The following TICAM1 variants were observed in gnomAD, a reference collection of about 807,000 sequenced individuals.
TICAM1 encodes the protein TIR domain containing adaptor molecule 1, also known as TIR domain-containing adapter molecule 1.
For synonymous variants in TICAM1, 439 were observed against 415.4 expected (o/e 1.06, Z -0.69); for missense variants, 895 against 938.2 (o/e 0.95, Z 0.60).
rs759882367 is a variant in TICAM1 at position 4,818,571 on chromosome 19, A to C, written c.-139-55T>G. The C allele has an allele frequency of 1.1e-3, 1,400 of 1,245,710 alleles. No homozygotes were observed. Among genetic ancestry groups the C allele is most frequent in the Non-Finnish European group, 1.3e-3 (1,253 of 945,146 alleles). The allele number at this position is 1,245,710 out of a possible 1,614,324, so 77.2% of individuals were successfully genotyped here. A position where few individuals can be genotyped will look rare whatever the true frequency, so the allele number is the denominator to read the frequency against. ...TACCCCCAAGAAAGGTCAGCACGGG[A>C]AGGCGGCCCACACACCCCCGCCTGC... is the stretch of plus-strand genomic sequence containing the variant. On this transcript the variant is annotated intron_variant, in intron 1 of 1. Coordinates refer to ENST00000248244, the MANE Select transcript of TICAM1 (RefSeq NM_182919.4). This position sits in a 1 kb window ranked among gnomAD's most constrained non-coding sequence, Gnocchi z 4.0.
chr19:4,816,100 C>T lies in TICAM1; in HGVS notation c.*139G>A. ...CGTTTTGTCCTAAATGAAGGGCTCCCGGACAATGTCCTGAAAGTGGCAGAT... is the reference window on the plus strand; with the variant it reads ...CGTTTTGTCCTAAATGAAGGGCTCCTGGACAATGTCCTGAAAGTGGCAGAT... On this transcript the variant is annotated 3_prime_UTR_variant, in exon 2 of 2. Transcript: ENST00000248244. This position sits in a 1 kb window ranked among gnomAD's most constrained non-coding sequence, Gnocchi z 4.3. 7.0e-6 allele frequency: 9 copies of T among 1,279,830 alleles called. No homozygotes were observed. The highest frequency in any genetic ancestry group is 6.9e-6 in the Non-Finnish European group (7 of 1,008,896). The allele number at this position is 1,279,830 out of a possible 1,614,324, so 79.3% of individuals were successfully genotyped here. A position where few individuals can be genotyped will look rare whatever the true frequency, so the allele number is the denominator to read the frequency against.
rs2093584967 is a variant in TICAM1, at chr19:4,816,366, G to A, written c.2012C>T (p.Pro671Leu). 6.3e-7 allele frequency: 1 copy of A among 1,588,948 alleles called. No individual in the cohort carries two copies. Among genetic ancestry groups the A allele is most frequent in the African/African-American group, 1.3e-5 (1 of 74,190 alleles). ...PAFPTASPAP[P>L]QSPGLQPLII... ...GAGGGGTTGCAGCCCTGGGCTCTGA[G>A]GGGGTGCGGGTGAGGCCGTAGGGAA... is the stretch of plus-strand genomic sequence containing the variant. Residue 671 changes from proline (P) to leucine (L), a missense_variant, in exon 2 of 2, where the codon CCT becomes CTT. Pro to Leu is a moderately conservative substitution (Grantham distance 98). Transcript: ENST00000248244. This position sits in a 1 kb window ranked among gnomAD's most constrained non-coding sequence, Gnocchi z 4.3.
At chr19:4,829,743 ATTGGCAGACTTTTTCTC>A (rs1412169049) in intron 1 of TICAM1, among the ~76,000 whole-genome samples, 19 of 148,702 alleles carry the variant, frequency 1.3e-4, no homozygotes, top group Non-Finnish European at 1.8e-4. Context: ...GACAATAAAT[ATTGGCAGACTTTTTCTC>A]TTCCTCTTCC....
intron 1 of TICAM1, among the ~76,000 whole-genome samples, chr19:4,827,836 A>G (rs1024048266): frequency 6.6e-6 from 1 of 151,634 alleles, no homozygotes; most frequent in African/African-American, 2.4e-5. Flanking sequence ...CAAGACAACT[A>G]CTTGGAATAC....
At chr19:4,826,325 ATT>A (rs2093605352) in intron 1 of TICAM1, among the ~76,000 whole-genome samples, 1 of 151,108 alleles carries the variant, frequency 6.6e-6, no homozygotes, top group African/African-American at 2.4e-5. Context: ...ATATTTATTT[ATT>A]TATTTATATA....
intron 1 of TICAM1, among the ~76,000 whole-genome samples, chr19:4,830,915 G>A (rs768209724): frequency 5.3e-5 from 8 of 152,204 alleles, no homozygotes; most frequent in Admixed American, 2.0e-4. Context: ...GCAGGACTGC[G>A]CCTGGTGAGC....
intron 1 of TICAM1, among the ~76,000 whole-genome samples, chr19:4,828,249 T>TAAAA (rs1166051634): frequency 2.0e-5 from 3 of 151,776 alleles, no homozygotes; most frequent in African/African-American, 7.2e-5. Context: ...TGTGTTGTTG[T>TAAAA]TTTTTGACAG....
chr19:4,816,245 T>C lies in TICAM1; in HGVS notation c.2133A>G (p.Ala711=), dbSNP rs1224783115. ...GTCAGGCAAGGACACGCGGTCATTCTGCCTCCTGCGTCTTGTCCTCGGGCG... is the reference window on the plus strand; with the variant it reads ...GTCAGGCAAGGACACGCGGTCATTCCGCCTCCTGCGTCTTGTCCTCGGGCG... ...SQAPEDKTQE[A]E The change falls in exon 2 of 2, where the codon GCA becomes GCG. Residue 711 remains alanine (A), a synonymous_variant. Transcript: ENST00000248244. The surrounding 1 kb of genome is among the most constrained non-coding windows in gnomAD (Gnocchi z 4.3). 2 of 1,508,470 alleles carry C rather than the reference T, an allele frequency of 1.3e-6. No homozygotes were observed. The highest frequency in any genetic ancestry group is 2.8e-5 in the African/African-American group (2 of 71,568). 93.4% of individuals were successfully genotyped at this position (1,508,470 alleles called of 1,614,324 possible). A position where few individuals can be genotyped will look rare whatever the true frequency, so the allele number is the denominator to read the frequency against.
At chr19:4,824,119 G>A (rs993829303) in intron 1 of TICAM1, among the ~76,000 whole-genome samples, 7 of 151,132 alleles carry the variant, frequency 4.6e-5, no homozygotes, top group Non-Finnish European at 8.8e-5. Flanking sequence ...AGTTATTCTC[G>A]TGCCTCAGCC....
intron 1 of TICAM1, among the ~76,000 whole-genome samples, chr19:4,821,531 C>T (rs567023710): frequency 6.6e-6 from 1 of 152,234 alleles, no homozygotes; most frequent in Middle Eastern, 3.4e-3. Flanking sequence ...TCTGTTACCC[C>T]CCAGATATCC....
chr19:4,824,444 C>T (rs2093602673), intron 1 of TICAM1, among the ~76,000 whole-genome samples: 1 of 150,390 alleles, frequency 6.6e-6, no homozygotes, highest in Non-Finnish European at 1.5e-5. Context: ...AAGAGATTCT[C>T]CTGCCTCAGC....
rs2093591175 is a variant in TICAM1, at chr19:4,818,209, C to T, written c.169G>A (p.Ala57Thr). Residue 57 changes from alanine (A) to threonine (T), a missense_variant, in exon 2 of 2, where the codon GCC becomes ACC. Coordinates refer to ENST00000248244, the MANE Select transcript of TICAM1 (RefSeq NM_182919.4). The surrounding 1 kb of genome is among the most constrained non-coding windows in gnomAD (Gnocchi z 4.0). ...VLLKLGQETE[A>T]RISLEALKAD... ...TTCAATGCCTCTAGAGAGATCCTGG[C>T]CTCAGTTTCCTGGCCCAGCTTCAGG... 1.9e-6 allele frequency: 3 copies of T among 1,612,802 alleles called. No homozygotes were observed. The highest frequency in any genetic ancestry group is 3.3e-5 in the Admixed American group (2 of 59,958).
At chr19:4,826,738 G>C (rs772243390) in intron 1 of TICAM1, among the ~76,000 whole-genome samples, 2 of 152,158 alleles carry the variant, frequency 1.3e-5, no homozygotes, top group Admixed American at 6.6e-5. Flanking sequence ...CAGAGAAGTT[G>C]AGTAAGTAGT....
intron 1 of TICAM1, among the ~76,000 whole-genome samples, chr19:4,824,936 A>T (rs1335570709): frequency 6.6e-6 from 1 of 151,602 alleles, no homozygotes; most frequent in Non-Finnish European, 1.5e-5. Context: ...CTGTCTCCAA[A>T]AAAAAATAAA....
chr19:4,831,403 G>A (rs535555701), intron 1 of TICAM1, among the ~76,000 whole-genome samples: 1 of 152,032 alleles, frequency 6.6e-6, no homozygotes, highest in East Asian at 1.9e-4. Flanking sequence ...CGACAGTGGG[G>A]GAGGATCTGG....
At chr19:4,819,623 A>C (rs4807647) in intron 1 of TICAM1, among the ~76,000 whole-genome samples, 37,109 of 152,148 alleles carry the variant, frequency 0.24, 5,005 homozygotes, top group East Asian at 0.42. Context: ...CTGTAATCCC[A>C]GCACTTTGGG....
chr19:4,822,007 C>T (rs528340305), intron 1 of TICAM1, among the ~76,000 whole-genome samples: 3 of 152,016 alleles, frequency 2.0e-5, no homozygotes, highest in African/African-American at 7.2e-5. Context: ...GCAATCTCAG[C>T]TCACCGTAAC....
rs150740529 is a variant in TICAM1, at chr19:4,816,817, C to T, written c.1561G>A (p.Ala521Thr). 3,171 of 1,612,856 alleles carry T rather than the reference C, an allele frequency of 2.0e-3. 7 individuals are homozygous for T. The highest frequency in any genetic ancestry group is 2.4e-3 in the Non-Finnish European group (2,790 of 1,180,018). The change falls in exon 2 of 2, where the codon GCC (alanine) becomes ACC (threonine). Residue 521 changes from alanine to threonine, a missense_variant. Physicochemically the swap from Ala to Thr is moderately conservative, Grantham distance 58. Transcript: ENST00000248244. This position sits in a 1 kb window ranked among gnomAD's most constrained non-coding sequence, Gnocchi z 4.3. The stretch of plus-strand genomic sequence containing the variant: ...TTGAAGGTGTTGGCCACCTTCCTGG[C>T]GAAGATCTGGGAGTGTTCGTCCAGC... ...VRLDEHSQIF[A>T]RKVANTFKPH...
At chr19:4,823,262 C>T (rs1440486613) in intron 1 of TICAM1, among the ~76,000 whole-genome samples, 4 of 152,010 alleles carry the variant, frequency 2.6e-5, no homozygotes, top group South Asian at 4.1e-4. Context: ...GTCAGGAGTA[C>T]GAGACCAGCC....
Sources: allele counts gnomAD v4.1 joint callset (sites outside exome capture counted in the v4.1 genomes callset), GRCh38; gene constraint gnomAD v4.1.1; non-coding constraint Gnocchi (gnomAD v3.1); transcripts MANE v1.5; gene names NCBI Gene and HGNC (gene_info 2026-07-23, HGNC 2026-07-21).